The following TXNRD3 variants were observed in gnomAD, a reference collection of about 807,000 sequenced individuals.
TXNRD3 encodes thioredoxin reductase 3.
TXNRD3 carries 68 observed loss-of-function variants against 78.2 expected under a neutral mutation model. The ratio of observed to expected loss-of-function variants is 0.87; its 90% CI spans 0.72 to 1.06. The LOEUF (loss-of-function observed/expected upper bound fraction) is 1.06, where lower values mean the gene tolerates loss of function less well. TXNRD3 is among the 50% of genes least tolerant of loss of function. The pLI is 0.00. For synonymous variants in TXNRD3, 296 were observed against 300.1 expected, an observed-to-expected ratio of 0.99 and a Z score of 0.14; for missense variants, 751 against 809.5, an observed-to-expected ratio of 0.93 and a Z score of 0.88.
chr3:126,620,438 A>G (rs1197663673), intron 12 of TXNRD3, among the ~76,000 whole-genome samples: 5 of 152,158 alleles, frequency 3.3e-5, no homozygotes, highest in African/African-American at 9.7e-5. Context: ...TACTTAGGAG[A>G]TATATACTGA....
Position 126,633,926 on chromosome 3 carries a change from C to G in TXNRD3, c.838G>C (p.Glu280Gln), listed in dbSNP as rs1014613108. 2 of 1,502,866 alleles carry G rather than the reference C, an allele frequency of 1.3e-6. No individual in the cohort carries two copies. Among genetic ancestry groups the G allele is most frequent in the South Asian group, 1.3e-5 (1 of 77,606 alleles). The allele number at this position is 1,502,866 out of a possible 1,614,324, so 93.1% of individuals were successfully genotyped here. Reference sequence around the variant, plus strand: ...AGCACTACCTTTATTTTATGATGTTCAACAAATTCTCCATAGGAATTGACA... The same window carrying G: ...AGCACTACCTTTATTTTATGATGTTGAACAAATTCTCCATAGGAATTGACA... The change falls in exon 7 of 16, where the codon GAA becomes CAA. Residue 280 changes from glutamate to glutamine, a missense_variant. Physicochemically the swap from Glu to Gln is conservative, Grantham distance 29. Coordinates refer to ENST00000524230, the MANE Select transcript of TXNRD3 (RefSeq NM_052883.3).
At chr3:126,650,412 C>CA (rs1559781030) in intron 1 of TXNRD3, among the ~76,000 whole-genome samples, 2 of 152,046 alleles carry the variant, frequency 1.3e-5, no homozygotes, top group Admixed American at 6.5e-5. Context: ...GGAGGCCAGG[C>CA]GGTGGATCAC....
Position 126,621,884 on chromosome 3 carries a change from G to A in TXNRD3, c.1382C>T (p.Pro461Leu), listed in dbSNP as rs1341942134. 6.6e-7 allele frequency: 1 copy of A among 1,510,136 alleles called. No individual in the cohort carries two copies. Among genetic ancestry groups the A allele is most frequent in the Non-Finnish European group, 8.8e-7 (1 of 1,138,420 alleles). 93.5% of individuals were successfully genotyped at this position (1,510,136 alleles called of 1,614,324 possible). ...ATTGGTCTGTTCCACATCATTTACAGGTATTTTTCCACTCCTATTAGTTTT... is the reference window on the plus strand; with the variant it reads ...ATTGGTCTGTTCCACATCATTTACAAGTATTTTTCCACTCCTATTAGTTTT... The change falls in exon 12 of 16, where the codon CCT (proline) becomes CTT (leucine). Residue 461 changes from proline (P) to leucine (L), a missense_variant. Coordinates refer to ENST00000524230, the MANE Select transcript of TXNRD3 (RefSeq NM_052883.3).
At chr3:126,642,289 G>A in intron 5 of TXNRD3, 138 bp from the exon 6 acceptor site, 1 of 1,133,132 alleles carries the variant, frequency 8.8e-7, no homozygotes, top group East Asian at 2.8e-5. Context: ...AAGACACAAG[G>A]GATTAACCCA....
intron 1 of TXNRD3, among the ~76,000 whole-genome samples, chr3:126,653,888 A>C (rs189151118): frequency 6.6e-6 from 1 of 152,310 alleles, no homozygotes; most frequent in African/African-American, 2.4e-5. Context: ...AACATGCATG[A>C]ATCTCTGAAA....
chr3:126,644,006 G>C lies in TXNRD3; in HGVS notation c.567C>G (p.Val189=). ...CCCAGGATGTGCCCTGAGGTGACGG[G>C]ACAACAAAGTCTAGCACCATAACTT... The change falls in exon 5 of 16, where the codon GTC becomes GTG. Residue 189 remains valine, a synonymous_variant. Transcript: ENST00000524230. 6.5e-7 allele frequency: 1 copy of C among 1,536,042 alleles called. No homozygotes were observed. Among genetic ancestry groups the C allele is most frequent in the Non-Finnish European group, 8.7e-7 (1 of 1,146,890 alleles).
intron 1 of TXNRD3, among the ~76,000 whole-genome samples, chr3:126,652,062 T>C (rs1264391313): frequency 1.3e-5 from 2 of 152,154 alleles, no homozygotes; most frequent in Non-Finnish European, 2.9e-5. Context: ...AATATGAGAC[T>C]GGGTAATATA....
intron 10 of TXNRD3, among the ~76,000 whole-genome samples, chr3:126,627,182 C>T (rs1938598605): frequency 6.6e-6 from 1 of 152,118 alleles, no homozygotes; most frequent in Non-Finnish European, 1.5e-5. Context: ...GGTATCTACC[C>T]ACAGGAAAAT....
chr3:126,627,201 T>C (rs1454242696), intron 10 of TXNRD3, among the ~76,000 whole-genome samples: 16 of 152,202 alleles, frequency 1.1e-4, no homozygotes, highest in Non-Finnish European at 2.4e-4. Flanking sequence ...ATGAATAAAC[T>C]GCTACATTAA....
At chr3:126,631,619 T>A in intron 8 of TXNRD3, 145 bp downstream of exon 8, 1 of 603,260 alleles carries the variant, frequency 1.7e-6, no homozygotes, top group South Asian at 2.3e-5. Flanking sequence ...GTTTCATTAC[T>A]TTTAACTATT....
chr3:126,627,216 A>C (rs1938599125), intron 10 of TXNRD3, among the ~76,000 whole-genome samples: 1 of 152,254 alleles, frequency 6.6e-6, no homozygotes, highest in Non-Finnish European at 1.5e-5. Context: ...CATTAATAAA[A>C]TCTATACGAT....
intron 7 of TXNRD3, among the ~76,000 whole-genome samples, chr3:126,632,915 A>C (rs1938758122): frequency 6.6e-6 from 1 of 152,134 alleles, no homozygotes; most frequent in Non-Finnish European, 1.5e-5. Context: ...ATCACTAAAC[A>C]AGGAGCCACA....
At chr3:126,628,333 T>C (rs1291591114) in intron 10 of TXNRD3, among the ~76,000 whole-genome samples, 1 of 152,066 alleles carries the variant, frequency 6.6e-6, no homozygotes, top group Non-Finnish European at 1.5e-5. Flanking sequence ...CTGGAGGTCC[T>C]AACTAATGCA....
At chr3:126,645,704 G>A (rs1467885724) in intron 3 of TXNRD3, among the ~76,000 whole-genome samples, 3 of 152,016 alleles carry the variant, frequency 2.0e-5, no homozygotes, top group South Asian at 4.2e-4. Context: ...TAGCACTCTA[G>A]GAATCAAAAA....
At chr3:126,633,816 A>G (rs2107620247) in intron 7 of TXNRD3, 93 bp downstream of exon 7, 1 of 1,027,844 alleles carries the variant, frequency 9.7e-7, no homozygotes, top group Non-Finnish European at 1.3e-6. Flanking sequence ...CGCCTGTTAC[A>G]CCCCTTAACA....
chr3:126,650,086 A>C lies in TXNRD3; in HGVS notation c.244-2790T>G, dbSNP rs569125659. Among the ~76,000 whole-genome samples, 401 of 152,372 alleles carry C rather than the reference A, an allele frequency of 2.6e-3. 1 individual carries two copies. Among genetic ancestry groups the C allele is most frequent in the African/African-American group, 9.3e-3 (385 of 41,594 alleles). On this transcript the variant is annotated intron_variant, in intron 1 of 15. Transcript: ENST00000524230. ...TAAATTTGTAATTCACAAATGTATG[A>C]ATTCAGGACTGGGGAAACATGGCTT...
At chr3:126,646,542 A>G (rs931085656) in intron 2 of TXNRD3, among the ~76,000 whole-genome samples, 1 of 152,228 alleles carries the variant, frequency 6.6e-6, no homozygotes, top group African/African-American at 2.4e-5. Flanking sequence ...TGTAACAATA[A>G]CCCAGAAAAT....
chr3:126,652,341 C>T (rs1933410986), intron 1 of TXNRD3, among the ~76,000 whole-genome samples: 1 of 152,132 alleles, frequency 6.6e-6, no homozygotes, highest in Admixed American at 6.5e-5. Flanking sequence ...AGAAATCCAC[C>T]CCCATGATCC....
At chr3:126,629,567 G>T in intron 9 of TXNRD3, 96 bp from the exon 10 acceptor site, 2 of 926,530 alleles carry the variant, frequency 2.2e-6, no homozygotes, top group Non-Finnish European at 1.6e-6. Context: ...ACATTTGTGT[G>T]TTTGGTGGTG....
Sources: allele counts gnomAD v4.1 joint callset (sites outside exome capture counted in the v4.1 genomes callset), GRCh38; gene constraint gnomAD v4.1.1; transcripts MANE v1.5; gene names NCBI Gene and HGNC (gene_info 2026-07-23, HGNC 2026-07-21).